The following TENM4 variants were observed in gnomAD, a reference collection of about 807,000 sequenced individuals.
TENM4 encodes the protein teneurin transmembrane protein 4, also known as teneurin-4.
In TENM4, 82 loss-of-function variants were observed where a neutral mutation model predicts 243.3. The observed-to-expected ratio is 0.34, with a 90% CI of 0.28 to 0.40. The LOEUF (loss-of-function observed/expected upper bound fraction) is 0.40. TENM4 is among the 10% of genes least tolerant of loss of function. The pLI, the probability that TENM4 is intolerant of heterozygous loss-of-function variation, is 1.00. For synonymous variants in TENM4, 1,412 were observed against 1,456.3 expected (o/e 0.97, Z 0.69); for missense variants, 3,138 against 3,673.3 (o/e 0.85, Z 3.77).
intron 3 of TENM4, among the ~76,000 whole-genome samples, chr11:79,165,113 G>A (rs1291670179): frequency 6.6e-6 from 1 of 152,010 alleles, no homozygotes; most frequent in Non-Finnish European, 1.5e-5. Flanking sequence ...GCTTGTACAA[G>A]TATCTTTTTC....
chr11:78,943,102 A>G (rs930382935), intron 6 of TENM4, among the ~76,000 whole-genome samples: 2 of 152,212 alleles, frequency 1.3e-5, no homozygotes, highest in Non-Finnish European at 2.9e-5. Flanking sequence ...TCCAGAGAAG[A>G]GGACTTCAAC....
chr11:78,658,295 C>T lies in TENM4; in HGVS notation c.8073G>A (p.Leu2691=). 1.2e-6 allele frequency: 2 copies of T among 1,613,004 alleles called. No homozygotes were observed. Among genetic ancestry groups the T allele is most frequent in the Middle Eastern group, 3.3e-4 (2 of 6,062 alleles). The change falls in exon 34 of 34, where the codon CTG becomes CTA. Residue 2691 remains leucine (L), a synonymous_variant. Coordinates refer to ENST00000278550, the MANE Select transcript of TENM4 (RefSeq NM_001098816.3). The stretch of plus-strand genomic sequence containing the variant: ...GCACGGCTCTCTGCCGGGCCAGCTC[C>T]AGGACCCGTGCCTTCTCCTCATCCA... ...TTLDEEKARV[L]ELARQRAVRQ...
At chr11:78,825,434 A>T (rs1857829079) in intron 12 of TENM4, among the ~76,000 whole-genome samples, 1 of 152,148 alleles carries the variant, frequency 6.6e-6, no homozygotes, top group Non-Finnish European at 1.5e-5. Context: ...TAAAACATGG[A>T]TTGCTGGGCC....
chr11:79,135,728 T>TGATATATAC (rs1565217994), intron 4 of TENM4, among the ~76,000 whole-genome samples: 2 of 139,956 alleles, frequency 1.4e-5, no homozygotes, highest in African/African-American at 5.2e-5. Context: ...ATCATACATA[T>TGATATATAC]ATGATATATA....
chr11:78,869,349 T>C (rs146975526), intron 9 of TENM4, among the ~76,000 whole-genome samples: 3 of 152,322 alleles, frequency 2.0e-5, no homozygotes, highest in African/African-American at 7.2e-5. Context: ...AAACCATGTA[T>C]GCATATGAAA....
At chr11:79,062,045 T>G (rs1454371190) in intron 6 of TENM4, among the ~76,000 whole-genome samples, 1 of 149,516 alleles carries the variant, frequency 6.7e-6, no homozygotes, top group Non-Finnish European at 1.5e-5. Context: ...CATGGCAACC[T>G]CTGCCTCTGG....
At chr11:79,000,891 C>G (rs55839890) in intron 6 of TENM4, among the ~76,000 whole-genome samples, 1 of 151,962 alleles carries the variant, frequency 6.6e-6, no homozygotes, top group South Asian at 2.1e-4. Context: ...ATTAGCCAGG[C>G]CTGGTGGCAT....
rs1565220645 is a variant in TENM4 at position 79,139,700 on chromosome 11, A to ATATTTATATAAGTATATAAAATATATATT, written c.-66+9009_-66+9010insAATATATATTTTATATACTTATATAAATA. Among the ~76,000 whole-genome samples the ATATTTATATAAGTATATAAAATATATATT allele has an allele frequency of 2.6e-3, 178 of 68,142 alleles. 19 individuals are homozygous for ATATTTATATAAGTATATAAAATATATATT. The highest frequency in any genetic ancestry group is 0.012 in the African/African-American group (136 of 11,334). The allele number at this position is 68,142 out of a possible 152,430, so 44.7% of individuals were successfully genotyped here. ...TTATATAAGTATATAAAATATATAT[A>ATATTTATATAAGTATATAAAATATATATT]ATATTTATATAAGTATATAAAATAT... On this transcript the variant is annotated intron_variant, in intron 4 of 33. Transcript: ENST00000278550.
In TENM4 at chr11:78,899,566, G is replaced by C. The variant is rs11237654; in HGVS notation, c.749+3702C>G. On this transcript the variant is annotated intron_variant, in intron 7 of 33. Coordinates refer to ENST00000278550, the MANE Select transcript of TENM4 (RefSeq NM_001098816.3). ...GCACTCTGTCTCAAAAAGCGGGGGG[G>C]GGGGGAAAAAGAAAAAAGAAAGAAA... is the stretch of plus-strand genomic sequence containing the variant. Among the ~76,000 whole-genome samples the C allele has an allele frequency of 1.4e-4, 18 of 126,636 alleles. 2 individuals carry two copies. Among genetic ancestry groups the C allele is most frequent in the African/African-American group, 4.2e-4 (15 of 35,666 alleles). 83.1% of individuals were successfully genotyped at this position (126,636 alleles called of 152,430 possible).
At chr11:78,959,112 G>A (rs888886127) in intron 6 of TENM4, among the ~76,000 whole-genome samples, 2 of 152,062 alleles carry the variant, frequency 1.3e-5, no homozygotes, top group African/African-American at 4.8e-5. Context: ...CTACACTGTG[G>A]TCCTTAAGCA....
chr11:78,792,076 C>T (rs549193793), intron 15 of TENM4, among the ~76,000 whole-genome samples: 12 of 152,186 alleles, frequency 7.9e-5, no homozygotes, highest in Admixed American at 3.9e-4. Context: ...TAATGGTCCC[C>T]CTCTAGGATG....
At chr11:78,718,521 A>T (rs1859571650) in intron 25 of TENM4, among the ~76,000 whole-genome samples, 1 of 152,180 alleles carries the variant, frequency 6.6e-6, no homozygotes, top group African/African-American at 2.4e-5. Flanking sequence ...GCTGGACAGC[A>T]CCTGGCCTTC....
chr11:79,361,232 G>C (rs748426579), intron 1 of TENM4, among the ~76,000 whole-genome samples: 1 of 152,196 alleles, frequency 6.6e-6, no homozygotes, highest in Non-Finnish European at 1.5e-5. Flanking sequence ...CCGATCTCTG[G>C]TGTCTTTAGC....
intron 17 of TENM4, among the ~76,000 whole-genome samples, chr11:78,776,339 G>C (rs1388877528): frequency 2.0e-5 from 3 of 152,134 alleles, no homozygotes; most frequent in Non-Finnish European, 4.4e-5. Flanking sequence ...GTAGCCTCTG[G>C]ACTCCCCTGT....
At chr11:78,783,380 G>A (rs992169680) in intron 16 of TENM4, among the ~76,000 whole-genome samples, 1 of 152,138 alleles carries the variant, frequency 6.6e-6, no homozygotes, top group Non-Finnish European at 1.5e-5. Flanking sequence ...TATGCAAGTG[G>A]GAGTATTAGT....
At chr11:79,119,573 G>A (rs1480174646) in intron 4 of TENM4, among the ~76,000 whole-genome samples, 6 of 152,182 alleles carry the variant, frequency 3.9e-5, no homozygotes, top group African/African-American at 9.7e-5. Flanking sequence ...TCAGCCAGGC[G>A]CCTGCCCAGA....
chr11:78,787,136 T>C (rs1856957261), intron 15 of TENM4, 53 bp from the exon 16 acceptor site: 8 of 1,495,400 alleles, frequency 5.3e-6, no homozygotes, highest in East Asian at 2.5e-5. Context: ...TGGGAGGCAG[T>C]GGCCAGAGGG....
At chr11:79,358,332 G>A (rs1857531339) in intron 1 of TENM4, among the ~76,000 whole-genome samples, 1 of 152,234 alleles carries the variant, frequency 6.6e-6, no homozygotes, top group East Asian at 1.9e-4. Context: ...TTGTTGATCA[G>A]AAGCCTGGAA....
At chr11:79,247,542 T>C (rs919214005) in intron 2 of TENM4, among the ~76,000 whole-genome samples, 1 of 152,152 alleles carries the variant, frequency 6.6e-6, no homozygotes, top group African/African-American at 2.4e-5. Flanking sequence ...CCACTGCCTA[T>C]TGAGGACCCA....
Sources: allele counts gnomAD v4.1 joint callset (sites outside exome capture counted in the v4.1 genomes callset), GRCh38; gene constraint gnomAD v4.1.1; transcripts MANE v1.5; gene names NCBI Gene and HGNC (gene_info 2026-07-23, HGNC 2026-07-21).